HECW1: variants seen among roughly 807,000 people sequenced by gnomAD.
HECW1 encodes the protein HECT, C2 and WW domain containing E3 ubiquitin protein ligase 1.
Under a neutral mutation model 182.3 loss-of-function variants are expected in HECW1, and 61 were observed. The ratio of observed to expected loss-of-function variants is 0.33; its 90% CI spans 0.27 to 0.41. The LOEUF is 0.41. Ranked by LOEUF, HECW1 falls within the 10% of genes least tolerant of loss-of-function variation. HECW1 has a pLI of 1.00. For missense variants in HECW1, 1,739 were observed against 2,108.9 expected (o/e 0.82, Z 3.44); for synonymous variants, 859 against 832.6 (o/e 1.03, Z -0.55).
At chr7:43,147,515 G>T (rs987049738) in intron 2 of HECW1, 2 of 152,188 alleles carry the variant, frequency 1.3e-5, no homozygotes, top group Non-Finnish European at 2.9e-5. Context: ...ATAAAACTCA[G>T]TTCCATATTC....
chr7:43,304,694 A>G (rs1056551117), intron 3 of HECW1, among the ~76,000 whole-genome samples: 11 of 152,090 alleles, frequency 7.2e-5, no homozygotes. Context: ...GGGTTTCACC[A>G]TGTTAGCCAG....
intron 3 of HECW1, among the ~76,000 whole-genome samples, chr7:43,261,042 A>G (rs1423186312): frequency 6.6e-6 from 1 of 152,146 alleles, no homozygotes; most frequent in Non-Finnish European, 1.5e-5. Flanking sequence ...ATTAATTGGT[A>G]AATGCTGAAG....
chr7:43,225,343 C>T (rs539604765), intron 2 of HECW1, among the ~76,000 whole-genome samples: 3 of 152,148 alleles, frequency 2.0e-5, no homozygotes, highest in South Asian at 2.1e-4. Context: ...TTGGTGAGCA[C>T]GAAGGCCCCA....
At chr7:43,321,551 C>T (rs952920414) in intron 5 of HECW1, among the ~76,000 whole-genome samples, 1 of 152,192 alleles carries the variant, frequency 6.6e-6, no homozygotes, top group Non-Finnish European at 1.5e-5. Flanking sequence ...TTCTCCTCCA[C>T]TTGGGTATGG....
chr7:43,247,592 C>T (rs963854268), intron 3 of HECW1, among the ~76,000 whole-genome samples: 15 of 150,356 alleles, frequency 1.0e-4, no homozygotes, highest in South Asian at 2.1e-4. Flanking sequence ...GGGCTATAAT[C>T]GTGCCATTGC....
At chr7:43,295,748 C>G (rs868724303) in intron 3 of HECW1, among the ~76,000 whole-genome samples, 1 of 152,192 alleles carries the variant, frequency 6.6e-6, no homozygotes, top group African/African-American at 2.4e-5. Flanking sequence ...ATCTCTCAGT[C>G]TCATAGCTCT....
chr7:43,476,271 G>T, intron 16 of HECW1, among the ~76,000 whole-genome samples: 1 of 152,138 alleles, frequency 6.6e-6, no homozygotes. Flanking sequence ...GATACACTCA[G>T]AAGAGCAACA....
At chr7:43,207,466 T>A (rs1795589416) in intron 2 of HECW1, among the ~76,000 whole-genome samples, 1 of 152,230 alleles carries the variant, frequency 6.6e-6, no homozygotes, top group African/African-American at 2.4e-5. Flanking sequence ...CATTTCTTTG[T>A]CTTGGAAATA....
At position 43,458,909 on chromosome 7, in the gene HECW1, G is replaced by A. The variant is rs138049357; in HGVS notation, c.2651+2462G>A. Among the ~76,000 whole-genome samples, 342 of 152,352 alleles carry A rather than the reference G, an allele frequency of 2.2e-3. 1 individual carries two copies. Among genetic ancestry groups the A allele is most frequent in the Non-Finnish European group, 3.9e-3 (266 of 68,036 alleles). On this transcript the variant is annotated intron_variant, in intron 13 of 29. Coordinates refer to ENST00000395891, the MANE Select transcript of HECW1 (RefSeq NM_015052.5). Reference sequence around the variant, plus strand: ...AACCAGATGATTGTGAAAATCAAATGTGTTTGTGCAAGGAGACATAAAACT... The same window carrying A: ...AACCAGATGATTGTGAAAATCAAATATGTTTGTGCAAGGAGACATAAAACT...
At position 43,475,021 on chromosome 7, in the gene HECW1, A is replaced by G. The variant is rs1042639621; in HGVS notation, c.3100-4589A>G. On this transcript the variant is annotated intron_variant, in intron 16 of 29. Transcript: ENST00000395891. ...ATTGTTTTGTGGATACAGTGTTTCA[A>G]TTTGGGAAGGTGAAAAAGTGCTGGG... 5.9e-5 allele frequency among the ~76,000 whole-genome samples: 9 copies of G among 152,308 alleles called. No homozygotes were observed. In the East Asian group the frequency reaches 1.5e-3, roughly 26 times the overall value.
intron 3 of HECW1, among the ~76,000 whole-genome samples, chr7:43,273,399 C>T (rs13438792): frequency 1.3e-5 from 2 of 151,616 alleles, no homozygotes; most frequent in South Asian, 4.2e-4. Flanking sequence ...ATTAGTGGAA[C>T]TATATAAATT....
intron 3 of HECW1, among the ~76,000 whole-genome samples, chr7:43,279,940 A>T (rs188351236): frequency 1.8e-4 from 28 of 152,174 alleles, no homozygotes; most frequent in African/African-American, 6.3e-4. Flanking sequence ...TCACTGGGGA[A>T]CTCTTCTGAG....
chr7:43,500,665 A>G (rs2304325), intron 19 of HECW1, 34 bp from the exon 20 acceptor site: 396,147 of 1,480,458 alleles, frequency 0.27, 54,009 homozygotes, highest in South Asian at 0.37. Flanking sequence ...ATGTGTTGGC[A>G]TCTAATTTTC....
intron 2 of HECW1, among the ~76,000 whole-genome samples, chr7:43,226,876 G>A (rs906908211): frequency 1.1e-4 from 16 of 152,342 alleles, no homozygotes; most frequent in East Asian, 7.7e-4. Context: ...GATGGCCTGC[G>A]TGTGGGGGCT....
At chr7:43,221,561 T>A (rs1214585049) in intron 2 of HECW1, among the ~76,000 whole-genome samples, 2 of 108,920 alleles carry the variant, frequency 1.8e-5, no homozygotes, top group African/African-American at 6.8e-5. Flanking sequence ...TTTTTTTTTT[T>A]TTTTTTTTTT....
At chr7:43,164,213 A>G (rs1478206676) in intron 2 of HECW1, among the ~76,000 whole-genome samples, 8 of 152,206 alleles carry the variant, frequency 5.3e-5, no homozygotes, top group Admixed American at 4.6e-4. Flanking sequence ...CATGGGCTGG[A>G]GACAGGGAGG....
chr7:43,469,492 G>A (rs2077930700), intron 16 of HECW1, among the ~76,000 whole-genome samples: 1 of 152,180 alleles, frequency 6.6e-6, no homozygotes, highest in East Asian at 1.9e-4. Flanking sequence ...ACTCTCAGGG[G>A]ATGAACTCAT....
chr7:43,313,573 G>T (rs1427323759), intron 4 of HECW1, among the ~76,000 whole-genome samples: 1 of 152,184 alleles, frequency 6.6e-6, no homozygotes, highest in Admixed American at 6.5e-5. Context: ...CCGACCTCAG[G>T]TGATCCACCT....
intron 2 of HECW1, among the ~76,000 whole-genome samples, chr7:43,196,545 C>T (rs1326491743): frequency 6.6e-6 from 1 of 152,176 alleles, no homozygotes; most frequent in Non-Finnish European, 1.5e-5. Flanking sequence ...CAGGTCCCGG[C>T]TCTCAGAGGG....
Sources: gnomAD v4.1 joint callset for allele counts (sites outside exome capture counted in the v4.1 genomes callset) on GRCh38, gnomAD v4.1.1 for gene constraint, MANE v1.5 for transcripts, NCBI Gene and HGNC (gene_info 2026-07-23, HGNC 2026-07-21) for gene names.